The following ASB2 variants were observed in gnomAD, a reference collection of about 807,000 sequenced individuals.
ASB2 encodes the protein ankyrin repeat and SOCS box containing 2.
Under a neutral mutation model 62.4 loss-of-function variants are expected in ASB2, and 58 were observed. That is an observed-to-expected ratio of 0.93 (90% CI 0.75 to 1.16). The LOEUF (loss-of-function observed/expected upper bound fraction) is 1.16. Ranked by LOEUF, ASB2 falls within the 50% of genes most tolerant of loss-of-function variation. ASB2 has a pLI of 0.00. For synonymous variants in ASB2, 386 were observed against 385.3 expected (o/e 1.00, Z -0.02); for missense variants, 928 against 887.9 (o/e 1.05, Z -0.57).
intron 7 of ASB2, among the ~76,000 whole-genome samples, chr14:93,942,729 A>G (rs1477783038): frequency 6.6e-6 from 1 of 152,220 alleles, no homozygotes; most frequent in East Asian, 1.9e-4. Flanking sequence ...TGGGAGGCTC[A>G]GAGTCAGGGG....
intron 1 of ASB2, among the ~76,000 whole-genome samples, chr14:93,971,704 C>A (rs997174075): frequency 1.3e-5 from 2 of 152,048 alleles, no homozygotes; most frequent in Admixed American, 1.3e-4. Context: ...TAGTTTGAAC[C>A]ACATAATAAA....
intron 1 of ASB2, among the ~76,000 whole-genome samples, chr14:93,968,635 G>A (rs1293664212): frequency 6.6e-6 from 1 of 152,164 alleles, no homozygotes; most frequent in Non-Finnish European, 1.5e-5. Flanking sequence ...TCTGTGCCCT[G>A]GGCACCATAC....
Position 93,947,456 on chromosome 14 carries a change from C to A in ASB2, c.945G>T (p.Glu315Asp). 6.2e-7 allele frequency: 1 copy of A among 1,614,242 alleles called. No individual in the cohort carries two copies. Among genetic ancestry groups the A allele is most frequent in the Non-Finnish European group, 8.5e-7 (1 of 1,180,038 alleles). The change falls in exon 7 of 10, where the codon GAG (glutamate) becomes GAT (aspartate). Residue 315 changes from glutamate (E) to aspartate (D), a missense_variant. Physicochemically the swap from Glu to Asp is conservative, Grantham distance 45 (BLOSUM62 2). Transcript: ENST00000555019. ...GCAGAAACTCCACCACCTCCTCATG[C>A]TCATTCTTGCAGGCCTCGTAGAGGG... ...ASALYEACKN[E>D]HEEVVEFLLS...
chr14:93,969,038 G>A (rs1018599592), intron 1 of ASB2, among the ~76,000 whole-genome samples: 4 of 152,208 alleles, frequency 2.6e-5, no homozygotes, highest in African/African-American at 9.7e-5. Flanking sequence ...GGGTTCTTGG[G>A]TAAGTTACCC....
At chr14:93,957,929 C>G (rs1039946293) in intron 2 of ASB2, among the ~76,000 whole-genome samples, 3 of 152,294 alleles carry the variant, frequency 2.0e-5, no homozygotes, top group East Asian at 3.9e-4. Context: ...TTGGGGAGGA[C>G]TCTGCTACCA....
intron 1 of ASB2, chr14:93,969,982 G>C (rs1384192317): frequency 6.6e-6 from 1 of 152,380 alleles, no homozygotes; most frequent in Admixed American, 6.5e-5. Flanking sequence ...TGTGAAATGG[G>C]AAAAGAGACA....
Position 93,939,259 on chromosome 14 carries a change from A to T in ASB2, c.1466T>A (p.Leu489Gln), listed in dbSNP as rs1207124018. 1.2e-6 allele frequency: 2 copies of T among 1,609,836 alleles called. No individual in the cohort carries two copies. The highest frequency in any genetic ancestry group is 2.2e-5 in the South Asian group (2 of 90,964). ...PATIMFAMKC[L>Q]SLLKFLMDLG... is the part of the protein sequence containing the mutation. ...GTCCATGAGGAACTTGAGCAGCGACAGGCACTTCATGGCGAACATGATGGT... is the reference window on the plus strand; with the variant it reads ...GTCCATGAGGAACTTGAGCAGCGACTGGCACTTCATGGCGAACATGATGGT... Residue 489 changes from leucine (L) to glutamine (Q), a missense_variant, in exon 8 of 10, where the codon CTG (leucine) becomes CAG (glutamine). Leu to Gln is a moderately radical substitution (Grantham distance 113, BLOSUM62 -2). Coordinates refer to ENST00000555019, the MANE Select transcript of ASB2 (RefSeq NM_001202429.2).
intron 6 of ASB2, 85 bp from the exon 7 acceptor site, chr14:93,947,605 C>A: frequency 7.2e-7 from 1 of 1,390,852 alleles, no homozygotes; most frequent in Non-Finnish European, 1.0e-6. Flanking sequence ...GGTGGGCCTG[C>A]TGTGCTAACC....
intron 1 of ASB2, among the ~76,000 whole-genome samples, chr14:93,974,709 G>A (rs980526357): frequency 6.6e-6 from 1 of 152,236 alleles, no homozygotes; most frequent in Non-Finnish European, 1.5e-5. Flanking sequence ...CCAGCCTTAA[G>A]CAAGACTTTT....
At chr14:93,959,681 C>T (rs569402193) in intron 2 of ASB2, among the ~76,000 whole-genome samples, 7 of 152,222 alleles carry the variant, frequency 4.6e-5, no homozygotes, top group Non-Finnish European at 1.0e-4. Flanking sequence ...AATGTGTCAC[C>T]GTCACCTGAC....
In ASB2 at chr14:93,959,874, G is replaced by A. The variant is rs556881920; in HGVS notation, c.207-3004C>T. On this transcript the variant is annotated intron_variant, in intron 2 of 9. Transcript: ENST00000555019. The stretch of plus-strand genomic sequence containing the variant: ...TTGGGCTGGGCCTGGCTGAATGCAG[G>A]GGGCAGGTAGGCACCTTAATAGAGG... Among the ~76,000 whole-genome samples, 11 of 152,174 alleles carry A rather than the reference G, an allele frequency of 7.2e-5. No individual in the cohort carries two copies. The East Asian group carries it at 2.1e-3, about 29-fold the overall frequency.
chr14:93,960,084 C>G (rs764751676), intron 2 of ASB2, among the ~76,000 whole-genome samples: 1 of 152,126 alleles, frequency 6.6e-6, no homozygotes, highest in African/African-American at 2.4e-5. Flanking sequence ...CACATTGCAC[C>G]AAGCATCTCA....
chr14:93,944,677 AG>A (rs1888656206), intron 7 of ASB2, among the ~76,000 whole-genome samples: 1 of 152,244 alleles, frequency 6.6e-6, no homozygotes, highest in African/African-American at 2.4e-5. Flanking sequence ...AGCCCTAAAA[AG>A]TGGCCCAGGC....
intron 7 of ASB2, among the ~76,000 whole-genome samples, chr14:93,943,227 A>T (rs995271283): frequency 1.3e-5 from 2 of 152,230 alleles, no homozygotes; most frequent in African/African-American, 2.4e-5. Context: ...GCAGTGAATG[A>T]ACAATGCTCT....
Position 93,934,193 on chromosome 14 carries a change from T to G in ASB2, c.*463A>C. On this transcript the variant is annotated 3_prime_UTR_variant, in exon 10 of 10. Coordinates refer to ENST00000555019, the MANE Select transcript of ASB2 (RefSeq NM_001202429.2). ...ACATGTGTAACATTTATTATATTAA[T>G]ACTTAACAAAGCCCTCCAAGACCCA... The G allele has an allele frequency of 2.2e-6, 1 of 455,864 alleles. No individual in the cohort carries two copies. Among genetic ancestry groups the G allele is most frequent in the Non-Finnish European group, 4.4e-6 (1 of 226,756 alleles). 28.2% of individuals were successfully genotyped at this position (455,864 alleles called of 1,614,324 possible). A position where few individuals can be genotyped will look rare whatever the true frequency, so the allele number is the denominator to read the frequency against.
intron 1 of ASB2, among the ~76,000 whole-genome samples, chr14:93,966,308 C>A (rs1889589836): frequency 6.6e-6 from 1 of 152,268 alleles, no homozygotes; most frequent in Non-Finnish European, 1.5e-5. Flanking sequence ...CCAGGTGGGA[C>A]AATCTCACCG....
At chr14:93,942,583 C>G (rs1888568579) in intron 7 of ASB2, among the ~76,000 whole-genome samples, 1 of 152,240 alleles carries the variant, frequency 6.6e-6, no homozygotes, top group Non-Finnish European at 1.5e-5. Context: ...AGAGCAGCAG[C>G]CTTGCCATAC....
chr14:93,939,098 C>A lies in ASB2; in HGVS notation c.1617+10G>T. The A allele has an allele frequency of 6.9e-7, 1 of 1,455,240 alleles. No homozygotes were observed. The highest frequency in any genetic ancestry group is 9.1e-7 in the Non-Finnish European group (1 of 1,104,064). 90.1% of individuals were successfully genotyped at this position (1,455,240 alleles called of 1,614,324 possible). A position where few individuals can be genotyped will look rare whatever the true frequency, so the allele number is the denominator to read the frequency against. ...AGGCGTGCTCCCCACCGCCAGCGTGCGCTGCCCACCTGCACCACGCTGGGC... is the reference window on the plus strand; with the variant it reads ...AGGCGTGCTCCCCACCGCCAGCGTGAGCTGCCCACCTGCACCACGCTGGGC... On this transcript the variant is annotated intron_variant, in intron 8 of 9. Coordinates refer to ENST00000555019, the MANE Select transcript of ASB2 (RefSeq NM_001202429.2).
At chr14:93,964,733 G>A in intron 1 of ASB2, 121 bp from the exon 2 acceptor site, 1 of 620,468 alleles carries the variant, frequency 1.6e-6, no homozygotes, top group Non-Finnish European at 2.9e-6. Flanking sequence ...TTATTCATTG[G>A]TCACATGACC....
Sources: gnomAD v4.1 joint callset for allele counts (sites outside exome capture counted in the v4.1 genomes callset) on GRCh38, gnomAD v4.1.1 for gene constraint, MANE v1.5 for transcripts, NCBI Gene and HGNC (gene_info 2026-07-23, HGNC 2026-07-21) for gene names.